SHF: variants seen among roughly 807,000 people sequenced by gnomAD.
SHF encodes Src homology 2 domain containing F.
A neutral mutation model predicts 42.4 loss-of-function variants in SHF; 30 were observed. That is an observed-to-expected ratio of 0.71 (90% confidence interval 0.53 to 0.96). The LOEUF is 0.96. SHF is among the 40% of genes least tolerant of loss of function. The pLI, the probability that SHF is intolerant of heterozygous loss-of-function variation, is 0.00. For synonymous variants in SHF, 264 were observed against 269.9 expected, an observed-to-expected ratio of 0.98 and a Z score of 0.21; for missense variants, 598 against 634.0, an observed-to-expected ratio of 0.94 and a Z score of 0.61.
intron 2 of SHF, among the ~76,000 whole-genome samples, chr15:45,177,963 T>A (rs978420732): frequency 6.6e-6 from 1 of 152,242 alleles, no homozygotes; most frequent in African/African-American, 2.4e-5. Context: ...TGTGGCCTCC[T>A]ATACCACTTC....
rs1898493000 is a variant in SHF, at chr15:45,187,512, C to A, written c.440G>T (p.Gly147Val). The A allele has an allele frequency of 8.1e-7, 1 of 1,232,312 alleles. No homozygotes were observed. Among genetic ancestry groups the A allele is most frequent in the Admixed American group, 4.2e-5 (1 of 23,696 alleles). 76.3% of individuals were successfully genotyped at this position (1,232,312 alleles called of 1,614,324 possible). ...PHRLIRVETP[G>V]PPAPPADERI... The stretch of plus-strand genomic sequence containing the variant: ...CTCATCAGCAGGCGGCGCCGGGGGC[C>A]CCGGGGTCTCGACCCGAATAAGGCG... Residue 147 changes from glycine (G) to valine (V), a missense_variant, in exon 1 of 7, where the codon GGG (glycine) becomes GTG (valine). Physicochemically the swap from Gly to Val is moderately radical, Grantham distance 109. This residue lies in a region of SHF where 439 missense variants were observed against 524.6 expected (regional missense o/e 0.84). Coordinates refer to ENST00000690270, the MANE Select transcript of SHF (RefSeq NM_001394037.1).
In SHF at chr15:45,178,315, G is replaced by A. The variant is rs3803331; in HGVS notation, c.499-9C>T. The stretch of plus-strand genomic sequence containing the variant: ...TCTTCTAGGATAGCTAGCTGTGGGA[G>A]GAGAGTGAAGAGAGTGGGCTTCAGG... On this transcript the variant is annotated splice_polypyrimidine_tract_variant and intron_variant, in intron 1 of 6. Coordinates refer to ENST00000690270, the MANE Select transcript of SHF (RefSeq NM_001394037.1). 3.1e-6 allele frequency: 5 copies of A among 1,611,346 alleles called. No homozygotes were observed. In the East Asian group the frequency reaches 1.1e-4, roughly 36 times the overall value.
chr15:45,167,767 C>T lies in SHF; in HGVS notation c.*180G>A, dbSNP rs1262548090. ...CTCTTTCCCCAGCTCCAGACAACCC[C>T]TTACTCCAAGGCCCCAGGAGCCCTT... On this transcript the variant is annotated 3_prime_UTR_variant, in exon 7 of 7. Coordinates refer to ENST00000690270, the MANE Select transcript of SHF (RefSeq NM_001394037.1). 8 of 504,600 alleles carry T rather than the reference C, an allele frequency of 1.6e-5. No individual in the cohort carries two copies. The South Asian group carries it at 2.7e-4, about 17-fold the overall frequency. The allele number at this position is 504,600 out of a possible 1,614,324, so 31.3% of individuals were successfully genotyped here.
At chr15:45,178,417 C>A in intron 1 of SHF, 111 bp from the exon 2 acceptor site, 1 of 1,277,918 alleles carries the variant, frequency 7.8e-7, no homozygotes, top group Admixed American at 2.9e-5. Flanking sequence ...TGCCTTCGAC[C>A]CAGACCCCCA....
At chr15:45,198,701 T>G (rs775719145) in intron 2 of SHF, 7 of 1,530,478 alleles carry the variant, frequency 4.6e-6, no homozygotes, top group Admixed American at 1.9e-5. Flanking sequence ...CCCGTAGGGG[T>G]TGGCTTCTGA....
At chr15:45,201,054 T>C (rs1399577150) in exon 1 of SHF, 1 of 348,326 alleles carries the variant, frequency 2.9e-6, no homozygotes, top group Non-Finnish European at 5.7e-6. Context: ...GGGAGGAACC[T>C]GGTAGATAAT....
intron 3 of SHF, among the ~76,000 whole-genome samples, chr15:45,174,665 G>A (rs1240052415): frequency 6.6e-6 from 1 of 152,130 alleles, no homozygotes; most frequent in Non-Finnish European, 1.5e-5. Context: ...TTCCATGGTG[G>A]ACTTGGACTT....
intron 6 of SHF, among the ~76,000 whole-genome samples, chr15:45,169,542 G>A (rs1897367226): frequency 6.6e-6 from 1 of 152,210 alleles, no homozygotes; most frequent in South Asian, 2.1e-4. Flanking sequence ...GTGGAGAGGG[G>A]AGGCAGTGTC....
Position 45,175,249 on chromosome 15 carries a change from T to C in SHF, c.817A>G (p.Lys273Glu). Residue 273 changes from lysine (K) to glutamate (E), a missense_variant, in exon 3 of 7, where the codon AAG (lysine) becomes GAG (glutamate). Lys to Glu is a moderately conservative substitution (Grantham distance 56, BLOSUM62 1). This residue lies in a region of SHF where 439 missense variants were observed against 524.6 expected (regional missense o/e 0.84). Coordinates refer to ENST00000690270, the MANE Select transcript of SHF (RefSeq NM_001394037.1). ...PEEYDQPWEW[K>E]KERISKAFAV... is the part of the protein sequence containing the mutation. ...AAGGCTTTGGAAATCCGCTCCTTCT[T>C]CCACTCCCAGGGCTGGTCATACTCC... 1 of 1,611,290 alleles carries C rather than the reference T, an allele frequency of 6.2e-7. No individual in the cohort carries two copies. Among genetic ancestry groups the C allele is most frequent in the African/African-American group, 1.3e-5 (1 of 74,878 alleles).
chr15:45,178,628 G>A (rs1293884291), intron 1 of SHF, among the ~76,000 whole-genome samples: 4 of 147,538 alleles, frequency 2.7e-5, no homozygotes, highest in East Asian at 2.0e-4. Context: ...TCCATCTACC[G>A]GGTTCACACC....
chr15:45,173,769 A>G lies in SHF; in HGVS notation c.848-53T>C, dbSNP rs576772476. On this transcript the variant is annotated intron_variant, in intron 3 of 6. Transcript: ENST00000690270. ...GAGACAGACAGTGACAGAGACAGAA[A>G]GAGGTAGAGGTTGAGACACCAAAAC... 321 of 1,541,918 alleles carry G rather than the reference A, an allele frequency of 2.1e-4. 4 individuals carry two copies. In the South Asian group the frequency reaches 3.6e-3, roughly 17 times the overall value.
upstream of SHF, among the ~76,000 whole-genome samples, chr15:45,190,268 G>T (rs1332528000): frequency 6.6e-6 from 1 of 152,178 alleles, no homozygotes; most frequent in Admixed American, 6.5e-5. Flanking sequence ...CAGTTAAATT[G>T]ACTAATGGTG....
intron 2 of SHF, among the ~76,000 whole-genome samples, chr15:45,196,869 C>G (rs1898882174): frequency 6.7e-6 from 1 of 148,936 alleles, no homozygotes; most frequent in African/African-American, 2.5e-5. Context: ...ACTCTGCACT[C>G]CAGCCTGGGT....
At chr15:45,175,105 TG>T in intron 3 of SHF, 113 bp downstream of exon 3, 1 of 1,165,806 alleles carries the variant, frequency 8.6e-7, no homozygotes. Flanking sequence ...TACATTTCCC[TG>T]GAGTCCTGAT....
chr15:45,182,649 T>A (rs1027036592), intron 1 of SHF, among the ~76,000 whole-genome samples: 1 of 152,228 alleles, frequency 6.6e-6, no homozygotes, highest in Non-Finnish European at 1.5e-5. Flanking sequence ...ATTTGTAGAT[T>A]TAAAATACAC....
intron 1 of SHF, 135 bp from the exon 2 acceptor site, chr15:45,178,441 A>C: frequency 9.2e-7 from 1 of 1,086,704 alleles, no homozygotes; most frequent in Non-Finnish European, 1.3e-6. Flanking sequence ...ACTCAAAGGA[A>C]GGCTCTGAGC....
chr15:45,178,154 C>G lies in SHF; in HGVS notation c.640+11G>C. On this transcript the variant is annotated intron_variant, in intron 2 of 6. Coordinates refer to ENST00000690270, the MANE Select transcript of SHF (RefSeq NM_001394037.1). Reference sequence around the variant, plus strand: ...GCCTCAGGGAGCACCTCCCCTGCCCCTGTCACTCACCGGCCATCATCTTTT... The same window carrying G: ...GCCTCAGGGAGCACCTCCCCTGCCCGTGTCACTCACCGGCCATCATCTTTT... 6.2e-7 allele frequency: 1 copy of G among 1,611,184 alleles called. No homozygotes were observed. The highest frequency in any genetic ancestry group is 2.2e-5 in the East Asian group (1 of 44,864).
At chr15:45,170,724 T>C in intron 6 of SHF, 4 of 255,856 alleles carry the variant, frequency 1.6e-5, no homozygotes. Context: ...CAATATCGGC[T>C]CACTGCAACC....
rs1211047861 is a variant in SHF, at chr15:45,172,326, G to A, written c.989-8C>T. On this transcript the variant is annotated splice_polypyrimidine_tract_variant and splice_region_variant and intron_variant, in intron 4 of 6. Transcript: ENST00000690270. ...CCGGTCCTTCAAACTGGGCTGTGGG[G>A]AACATATCAATCATGGACTCTAAGG... 6.3e-7 allele frequency: 1 copy of A among 1,586,818 alleles called. No individual in the cohort carries two copies. The highest frequency in any genetic ancestry group is 2.2e-5 in the East Asian group (1 of 44,730).
Sources: gnomAD v4.1 joint callset for allele counts (sites outside exome capture counted in the v4.1 genomes callset) on GRCh38, gnomAD v4.1.1 for gene constraint, gnomAD v4.1.1 regional missense constraint, MANE v1.5 for transcripts, NCBI Gene and HGNC (gene_info 2026-07-23, HGNC 2026-07-21) for gene names.